SERTM1: variants seen among roughly 807,000 people sequenced by gnomAD.
SERTM1 encodes serine rich and transmembrane domain containing 1.
Under a neutral mutation model 5.5 loss-of-function variants are expected in SERTM1, and 1 was observed. That is an observed-to-expected ratio of 0.18 (90% CI 0.06 to 0.86). The LOEUF (loss-of-function observed/expected upper bound fraction) is 0.86, where lower values mean the gene tolerates loss of function less well. Ranked by LOEUF, SERTM1 falls within the 40% of genes least tolerant of loss-of-function variation. The probability of loss-of-function intolerance (pLI) is 0.69; values close to 1 mark genes in which losing one functional copy is unlikely to be tolerated. For missense variants in SERTM1, 91 were observed against 122.4 expected (o/e 0.74, Z 1.21); for synonymous variants, 52 against 55.1 (o/e 0.94, Z 0.25).
rs1252151841 is a variant in SERTM1 at position 36,696,788 on chromosome 13, C to A, written c.*1386C>A. 6.0e-6 allele frequency: 1 copy of A among 167,010 alleles called. No individual in the cohort carries two copies. Among genetic ancestry groups the A allele is most frequent in the Admixed American group, 6.5e-5 (1 of 15,268 alleles). The allele number at this position is 167,010 out of a possible 1,614,324, so 10.3% of individuals were successfully genotyped here. A position where few individuals can be genotyped will look rare whatever the true frequency, so the allele number is the denominator to read the frequency against. ...CAGGGTAAACACTGAACTTATTCAA[C>A]CTACAGGAGGCCACTGCATCAACAC... On this transcript the variant is annotated 3_prime_UTR_variant, in exon 2 of 2. Coordinates refer to ENST00000315190, the MANE Select transcript of SERTM1 (RefSeq NM_203451.3).
intron 1 of SERTM1, among the ~76,000 whole-genome samples, chr13:36,684,076 T>C (rs1044679539): frequency 1.3e-5 from 2 of 152,160 alleles, no homozygotes; most frequent in Non-Finnish European, 1.5e-5. Context: ...GGCAGACATA[T>C]TTCCTGAGCT....
At chr13:36,687,696 T>C (rs115208807) in intron 1 of SERTM1, among the ~76,000 whole-genome samples, 3,480 of 152,224 alleles carry the variant, frequency 0.023, 137 homozygotes, top group African/African-American at 0.078. Context: ...GTCTGTGTTA[T>C]AGAGTGAATA....
intron 1 of SERTM1, among the ~76,000 whole-genome samples, chr13:36,679,131 A>G (rs1280706311): frequency 6.6e-6 from 1 of 152,230 alleles, no homozygotes; most frequent in Non-Finnish European, 1.5e-5. Context: ...ACACCCATAT[A>G]AATGGTGCCA....
intron 1 of SERTM1, among the ~76,000 whole-genome samples, chr13:36,694,616 T>C (rs1036488632): frequency 2.6e-5 from 4 of 152,254 alleles, no homozygotes; most frequent in African/African-American, 7.2e-5. Context: ...GGAGCATCTA[T>C]TGAAATCACA....
At chr13:36,688,828 G>C (rs1466717229) in intron 1 of SERTM1, among the ~76,000 whole-genome samples, 1 of 152,236 alleles carries the variant, frequency 6.6e-6, no homozygotes, top group East Asian at 1.9e-4. Context: ...TGTCAATCAA[G>C]TGTATAGCCA....
chr13:36,678,137 T>C (rs967486972), intron 1 of SERTM1, among the ~76,000 whole-genome samples: 38 of 152,342 alleles, frequency 2.5e-4, no homozygotes, highest in African/African-American at 8.4e-4. Flanking sequence ...TCAAATTTTA[T>C]TTCTATTTCT....
intron 1 of SERTM1, among the ~76,000 whole-genome samples, chr13:36,684,297 A>C (rs9603080): frequency 0.14 from 21,928 of 152,092 alleles, 1,668 homozygotes; most frequent in Non-Finnish European, 0.15. Context: ...ACTCTGTCAA[A>C]AAAAAAAATT....
intron 1 of SERTM1, among the ~76,000 whole-genome samples, chr13:36,686,015 T>C (rs1216940780): frequency 6.6e-6 from 1 of 152,212 alleles, no homozygotes; most frequent in Non-Finnish European, 1.5e-5. Context: ...CTTGGCTGCC[T>C]CTGAAGATGA....
chr13:36,695,679 A>G lies in SERTM1; in HGVS notation c.*277A>G, dbSNP rs1399203416. The G allele has an allele frequency of 6.2e-6, 3 of 481,252 alleles. No homozygotes were observed. The East Asian group carries it at 1.1e-4, about 18-fold the overall frequency. The allele number at this position is 481,252 out of a possible 1,614,324, so 29.8% of individuals were successfully genotyped here. A position where few individuals can be genotyped will look rare whatever the true frequency, so the allele number is the denominator to read the frequency against. On this transcript the variant is annotated 3_prime_UTR_variant, in exon 2 of 2. Coordinates refer to ENST00000315190, the MANE Select transcript of SERTM1 (RefSeq NM_203451.3). Reference sequence around the variant, plus strand: ...TTCTTCAGGTAAGTCAGTTCATTCTACTTTGTTGGACGCCGTAGGCTCATC... The same window carrying G: ...TTCTTCAGGTAAGTCAGTTCATTCTGCTTTGTTGGACGCCGTAGGCTCATC...
rs374051824 is a variant in SERTM1, at chr13:36,677,159, C to T, written c.-174+2975C>T. The stretch of plus-strand genomic sequence containing the variant: ...CTCATGACATAAAATGCGTCCTTCA[C>T]GAGTTCCTTATGGATATAGGAAATA... On this transcript the variant is annotated intron_variant, in intron 1 of 1. Transcript: ENST00000315190. 1.5e-3 allele frequency among the ~76,000 whole-genome samples: 226 copies of T among 152,068 alleles called. 1 individual carries two copies. The highest frequency in any genetic ancestry group is 4.8e-3 in the African/African-American group (198 of 41,456).
intron 1 of SERTM1, among the ~76,000 whole-genome samples, chr13:36,689,497 T>A (rs1275765360): frequency 7.4e-6 from 1 of 134,260 alleles, no homozygotes; most frequent in Non-Finnish European, 1.6e-5. Flanking sequence ...AGAGTGAGAC[T>A]CTGTCTCAAA....
chr13:36,676,495 A>G (rs2056670907), intron 1 of SERTM1, among the ~76,000 whole-genome samples: 1 of 152,150 alleles, frequency 6.6e-6, no homozygotes, highest in African/African-American at 2.4e-5. Context: ...AAATAAAATT[A>G]TGGCTGAATT....
chr13:36,686,674 T>C (rs2056743542), intron 1 of SERTM1, among the ~76,000 whole-genome samples: 1 of 152,166 alleles, frequency 6.6e-6, no homozygotes, highest in African/African-American at 2.4e-5. Flanking sequence ...AGCAAGAACA[T>C]TCTCCTATGT....
In SERTM1 at chr13:36,694,957, C is replaced by T. The variant is rs534355597; in HGVS notation, c.-122C>T. 2.9e-6 allele frequency: 2 copies of T among 698,936 alleles called. No homozygotes were observed. Among genetic ancestry groups the T allele is most frequent in the East Asian group, 2.6e-5 (1 of 39,150 alleles). 43.3% of individuals were successfully genotyped at this position (698,936 alleles called of 1,614,324 possible). A position where few individuals can be genotyped will look rare whatever the true frequency, so the allele number is the denominator to read the frequency against. ...CCTTTGAGAAACAAGTTTTGTTGTG[C>T]TGATTTAACAGCCTGTGAATTCTGC... On this transcript the variant is annotated 5_prime_UTR_variant, in exon 2 of 2. Coordinates refer to ENST00000315190, the MANE Select transcript of SERTM1 (RefSeq NM_203451.3).
At chr13:36,675,606 C>CT (rs1427817973) in intron 1 of SERTM1, among the ~76,000 whole-genome samples, 3 of 152,186 alleles carry the variant, frequency 2.0e-5, no homozygotes, top group African/African-American at 7.2e-5. Context: ...TCTTAAATAT[C>CT]TTTTTTGTAA....
rs2056826281 is a variant in SERTM1, at chr13:36,697,814, A to T, written c.*2412A>T. ...CAGAAAGGTTGGAAGATGGGTTTATAAATAAAGAAGTGGAGTCCATTGAAA... is the reference window on the plus strand; with the variant it reads ...CAGAAAGGTTGGAAGATGGGTTTATTAATAAAGAAGTGGAGTCCATTGAAA... On this transcript the variant is annotated 3_prime_UTR_variant, in exon 2 of 2. Coordinates refer to ENST00000315190, the MANE Select transcript of SERTM1 (RefSeq NM_203451.3). 1 of 167,058 alleles carries T rather than the reference A, an allele frequency of 6.0e-6. No individual in the cohort carries two copies. Among genetic ancestry groups the T allele is most frequent in the Non-Finnish European group, 1.5e-5 (1 of 68,126 alleles). The allele number at this position is 167,058 out of a possible 1,614,324, so 10.3% of individuals were successfully genotyped here.
chr13:36,676,129 G>A (rs76668321), intron 1 of SERTM1, among the ~76,000 whole-genome samples: 10,454 of 152,150 alleles, frequency 0.069, 422 homozygotes, highest in East Asian at 0.11. Flanking sequence ...AAATCCACGA[G>A]AGAGTTTATT....
At chr13:36,674,908 C>G (rs562017470) in intron 1 of SERTM1, among the ~76,000 whole-genome samples, 17 of 152,254 alleles carry the variant, frequency 1.1e-4, no homozygotes, top group African/African-American at 4.1e-4. Flanking sequence ...CTTCCCGGGT[C>G]TGATGAGACA....
chr13:36,682,882 C>CT (rs2056714684), intron 1 of SERTM1, among the ~76,000 whole-genome samples: 1 of 152,002 alleles, frequency 6.6e-6, no homozygotes, highest in East Asian at 1.9e-4. Context: ...TATAGTTTTT[C>CT]TTTTTCTTCT....
Sources: gnomAD v4.1 joint callset for allele counts (sites outside exome capture counted in the v4.1 genomes callset) on GRCh38, gnomAD v4.1.1 for gene constraint, MANE v1.5 for transcripts, NCBI Gene and HGNC (gene_info 2026-07-23, HGNC 2026-07-21) for gene names.